The following CSMD3 variants were observed in gnomAD, a reference collection of about 807,000 sequenced individuals.
CSMD3 encodes the protein CUB and sushi domain-containing protein 3.
In CSMD3, 177 loss-of-function variants were observed where a neutral mutation model predicts 435.2. The ratio of observed to expected loss-of-function variants is 0.41; its 90% CI spans 0.36 to 0.46. The LOEUF is 0.46. Ranked by LOEUF, CSMD3 falls within the 20% of genes least tolerant of loss-of-function variation. The pLI is 0.34. For missense variants in CSMD3, 4,265 were observed against 4,504.6 expected, an observed-to-expected ratio of 0.95 and a Z score of 1.52; for synonymous variants, 1,656 against 1,520.5, an observed-to-expected ratio of 1.09 and a Z score of -2.07.
At chr8:113,226,979 C>T (rs1370189936) in intron 3 of CSMD3, among the ~76,000 whole-genome samples, 1 of 151,554 alleles carries the variant, frequency 6.6e-6, no homozygotes, top group Non-Finnish European at 1.5e-5. Flanking sequence ...ACATTTACCA[C>T]TCACAAAATC....
chr8:112,414,301 T>C (rs1013655566), intron 32 of CSMD3, among the ~76,000 whole-genome samples: 1 of 152,118 alleles, frequency 6.6e-6, no homozygotes, highest in African/African-American at 2.4e-5. Context: ...TCATGGAGGT[T>C]GTTTTCCCTT....
chr8:112,981,498 G>T (rs1193807384), intron 6 of CSMD3, among the ~76,000 whole-genome samples: 2 of 151,430 alleles, frequency 1.3e-5, no homozygotes, highest in Non-Finnish European at 3.0e-5. Context: ...TAGGAAACCA[G>T]TATTAAATTT....
intron 7 of CSMD3, among the ~76,000 whole-genome samples, chr8:112,956,373 G>A (rs1304204070): frequency 6.6e-6 from 1 of 151,936 alleles, no homozygotes; most frequent in Admixed American, 6.6e-5. Context: ...TCTAAGTTTA[G>A]TTTTGTCACA....
chr8:112,457,572 C>T (rs1176756232), intron 32 of CSMD3, among the ~76,000 whole-genome samples: 1 of 152,026 alleles, frequency 6.6e-6, no homozygotes, highest in Admixed American at 6.6e-5. Context: ...AATGTAATTT[C>T]TCATCTTATC....
At chr8:112,811,959 G>T (rs1194863472) in intron 12 of CSMD3, among the ~76,000 whole-genome samples, 2 of 152,138 alleles carry the variant, frequency 1.3e-5, no homozygotes, top group African/African-American at 2.4e-5. Context: ...GTGGGCTACA[G>T]AGGAAAGAGT....
At chr8:113,115,839 G>C (rs550013809) in intron 4 of CSMD3, among the ~76,000 whole-genome samples, 8 of 152,168 alleles carry the variant, frequency 5.3e-5, no homozygotes, top group Admixed American at 4.6e-4. Context: ...TGAGGCAATT[G>C]CTTAGGACAG....
chr8:112,477,095 A>G (rs1171290303), intron 31 of CSMD3, among the ~76,000 whole-genome samples: 1 of 152,242 alleles, frequency 6.6e-6, no homozygotes, highest in Non-Finnish European at 1.5e-5. Flanking sequence ...TAGTCAGCAT[A>G]TAACATAAAC....
At chr8:112,657,145 G>A (rs7839499) in intron 17 of CSMD3, among the ~76,000 whole-genome samples, 3,553 of 148,826 alleles carry the variant, frequency 0.024, 157 homozygotes, top group African/African-American at 0.083. Flanking sequence ...TCACTGCAGC[G>A]TCTGCCTCCT....
At chr8:112,398,926 T>A (rs1489175301) in intron 35 of CSMD3, among the ~76,000 whole-genome samples, 2 of 152,084 alleles carry the variant, frequency 1.3e-5, no homozygotes, top group Non-Finnish European at 2.9e-5. Context: ...AACTCTTTTT[T>A]TTTTTTTTAA....
chr8:113,029,237 C>A (rs1587922825), intron 5 of CSMD3, among the ~76,000 whole-genome samples: 1 of 151,396 alleles, frequency 6.6e-6, no homozygotes, highest in Admixed American at 6.6e-5. Context: ...TGACACTATT[C>A]CACAAGATAA....
At chr8:113,355,749 T>TATATATATATATAC (rs1357514892) in intron 1 of CSMD3, among the ~76,000 whole-genome samples, 72 of 81,288 alleles carry the variant, frequency 8.9e-4, no homozygotes, top group South Asian at 1.9e-3. Context: ...TATATATATA[T>TATATATATATATAC]ACACACACAC....
At chr8:112,310,930 C>G (rs1821921036) in intron 50 of CSMD3, 48 bp downstream of exon 50, 1 of 1,468,778 alleles carries the variant, frequency 6.8e-7, no homozygotes, top group Non-Finnish European at 9.5e-7. Flanking sequence ...TTAAATGGTG[C>G]TAATCTCACA....
At chr8:113,102,538 C>T (rs1266323849) in intron 4 of CSMD3, among the ~76,000 whole-genome samples, 1 of 152,078 alleles carries the variant, frequency 6.6e-6, no homozygotes, top group Non-Finnish European at 1.5e-5. Context: ...CTGTCAGGTC[C>T]TATGAAGAAG....
intron 32 of CSMD3, among the ~76,000 whole-genome samples, chr8:112,427,630 C>T (rs902481578): frequency 4.6e-5 from 7 of 152,148 alleles, no homozygotes; most frequent in African/African-American, 1.7e-4. Flanking sequence ...ATACATATGT[C>T]TTGTCACCAA....
intron 32 of CSMD3, among the ~76,000 whole-genome samples, chr8:112,448,860 C>A (rs1815939772): frequency 6.6e-6 from 1 of 151,658 alleles, no homozygotes; most frequent in Admixed American, 6.6e-5. Flanking sequence ...TCAGGTTAAT[C>A]CTTTACCGCT....
At chr8:113,429,948 T>C (rs1018230718) in intron 1 of CSMD3, among the ~76,000 whole-genome samples, 5 of 152,214 alleles carry the variant, frequency 3.3e-5, no homozygotes, top group African/African-American at 1.2e-4. Context: ...AACAAATTCA[T>C]GTTAGTACAT....
intron 24 of CSMD3, among the ~76,000 whole-genome samples, chr8:112,562,576 A>G (rs371137744): frequency 5.5e-4 from 83 of 151,432 alleles, no homozygotes; most frequent in Middle Eastern, 3.9e-3. Flanking sequence ...TATGCTTGCC[A>G]AAACCATATA....
intron 5 of CSMD3, among the ~76,000 whole-genome samples, chr8:113,082,495 G>T (rs1298901739): frequency 6.6e-6 from 1 of 152,034 alleles, no homozygotes; most frequent in Admixed American, 6.5e-5. Flanking sequence ...AAAAAACTTT[G>T]CCCTATAAAT....
intron 58 of CSMD3, among the ~76,000 whole-genome samples, chr8:112,281,618 A>G (rs1211251280): frequency 1.3e-5 from 2 of 152,160 alleles, no homozygotes; most frequent in African/African-American, 2.4e-5. Flanking sequence ...TAATTATTCA[A>G]AGAGTACTGT....
Sources: gnomAD v4.1 joint callset for allele counts (sites outside exome capture counted in the v4.1 genomes callset) on GRCh38, gnomAD v4.1.1 for gene constraint, MANE v1.5 for transcripts, NCBI Gene and HGNC (gene_info 2026-07-23, HGNC 2026-07-21) for gene names.